Variants in ANKRD29 observed in about 807,000 individuals in gnomAD.
ANKRD29 encodes the protein ankyrin repeat domain 29.
In ANKRD29, 32 loss-of-function variants were observed where a neutral mutation model predicts 38.0. The ratio of observed to expected loss-of-function variants is 0.84; its 90% CI spans 0.64 to 1.13. The LOEUF is 1.13. ANKRD29 is among the 50% of genes most tolerant of loss of function. The pLI, the probability that ANKRD29 is intolerant of heterozygous loss-of-function variation, is 0.00. For missense variants in ANKRD29, 357 were observed against 377.9 expected (o/e 0.94, Z 0.46); for synonymous variants, 135 against 152.4 (o/e 0.89, Z 0.84).
intron 3 of ANKRD29, among the ~76,000 whole-genome samples, chr18:23,641,692 C>T (rs1487276265): frequency 2.6e-5 from 4 of 152,216 alleles, no homozygotes; most frequent in African/African-American, 7.2e-5. Context: ...TTCCCATGGA[C>T]CAATCAGCAC....
chr18:23,639,335 G>T (rs1305194960), intron 3 of ANKRD29, among the ~76,000 whole-genome samples: 1 of 152,126 alleles, frequency 6.6e-6, no homozygotes, highest in Non-Finnish European at 1.5e-5. Context: ...CAGCTAAAAT[G>T]TGGAAGCACT....
At chr18:23,641,320 C>A (rs1008963805) in intron 3 of ANKRD29, among the ~76,000 whole-genome samples, 4 of 152,222 alleles carry the variant, frequency 2.6e-5, no homozygotes, top group Non-Finnish European at 5.9e-5. Context: ...GCTCTCTGGG[C>A]CTGGGAAGCC....
intron 2 of ANKRD29, chr18:23,647,907 T>C (rs2060160486): frequency 6.6e-6 from 1 of 152,198 alleles, no homozygotes; most frequent in African/African-American, 2.4e-5. Context: ...GAAAGTGTAA[T>C]AAAGAGACTA....
intron 3 of ANKRD29, among the ~76,000 whole-genome samples, chr18:23,641,255 T>C (rs1344229688): frequency 1.3e-5 from 2 of 152,196 alleles, no homozygotes; most frequent in Non-Finnish European, 2.9e-5. Context: ...CCTATTGAGT[T>C]GGCTGTGCGG....
intron 1 of ANKRD29, among the ~76,000 whole-genome samples, chr18:23,659,221 A>G (rs1370763067): frequency 6.6e-6 from 1 of 152,074 alleles, no homozygotes; most frequent in East Asian, 1.9e-4. Context: ...ACTTCAGGTG[A>G]TCCGCCACAG....
chr18:23,617,888 A>G, intron 7 of ANKRD29, 61 bp from the exon 8 acceptor site: 4 of 1,422,798 alleles, frequency 2.8e-6, no homozygotes, highest in Non-Finnish European at 3.9e-6. Flanking sequence ...GCTTGAAAGC[A>G]GTCAGTTGGG....
intron 4 of ANKRD29, among the ~76,000 whole-genome samples, chr18:23,636,136 TTGTATGTA>T (rs373976176): frequency 1.3e-5 from 2 of 152,088 alleles, no homozygotes; most frequent in African/African-American, 4.8e-5. Flanking sequence ...GCTGTTATTT[TTGTATGTA>T]TGTATGTATG....
chr18:23,618,343 C>T (rs1351810682), intron 7 of ANKRD29, among the ~76,000 whole-genome samples: 1 of 152,150 alleles, frequency 6.6e-6, no homozygotes, highest in Non-Finnish European at 1.5e-5. Flanking sequence ...GCTAAAAGGC[C>T]AGGTGCAGTG....
intron 1 of ANKRD29, among the ~76,000 whole-genome samples, chr18:23,658,216 G>T (rs1018037205): frequency 6.6e-6 from 1 of 152,002 alleles, no homozygotes; most frequent in Non-Finnish European, 1.5e-5. Flanking sequence ...GATCAGCCTG[G>T]GCAACACAGG....
chr18:23,619,905 G>A, intron 6 of ANKRD29: 1 of 427,638 alleles, frequency 2.3e-6, no homozygotes, highest in South Asian at 3.7e-5. Context: ...CCATTTTGTG[G>A]CTGGATCTTT....
In ANKRD29 at chr18:23,600,618, A is replaced by G. The variant is rs2059499599; in HGVS notation, c.*608T>C. 6.5e-6 allele frequency: 1 copy of G among 152,672 alleles called. No individual in the cohort carries two copies. Among genetic ancestry groups the G allele is most frequent in the African/African-American group, 2.4e-5 (1 of 41,464 alleles). The allele number at this position is 152,672 out of a possible 1,614,324, so 9.5% of individuals were successfully genotyped here. On this transcript the variant is annotated 3_prime_UTR_variant, in exon 10 of 10. Coordinates refer to ENST00000592179, the MANE Select transcript of ANKRD29 (RefSeq NM_173505.4). ...CAGTCTGTCTTTTCTATAGTTCAAT[A>G]GTCCATCTTTGAATAGCACATAATG...
At chr18:23,637,817 G>A (rs949035977) in intron 4 of ANKRD29, among the ~76,000 whole-genome samples, 1 of 152,104 alleles carries the variant, frequency 6.6e-6, no homozygotes, top group East Asian at 1.9e-4. Context: ...CACATTTTCA[G>A]GAATTTAAAA....
At chr18:23,605,830 T>C (rs2059568892) in intron 9 of ANKRD29, among the ~76,000 whole-genome samples, 1 of 152,084 alleles carries the variant, frequency 6.6e-6, no homozygotes, top group Non-Finnish European at 1.5e-5. Context: ...CCCAGCCAAT[T>C]ACACAAAATT....
Position 23,598,934 on chromosome 18 carries a change from T to G in ANKRD29, c.*2292A>C, listed in dbSNP as rs1295194291. The G allele has an allele frequency of 6.6e-6, 1 of 152,168 alleles. No homozygotes were observed. 9.4% of individuals were successfully genotyped at this position (152,168 alleles called of 1,614,324 possible). On this transcript the variant is annotated 3_prime_UTR_variant, in exon 10 of 10. Transcript: ENST00000592179. ...AAAGCAGCAAAGGCAAATGGGGTAG[T>G]ATATTAACTTTATTTTGAATTATTA...
chr18:23,644,700 A>G (rs1294620776), intron 3 of ANKRD29, among the ~76,000 whole-genome samples: 2 of 152,330 alleles, frequency 1.3e-5, no homozygotes, highest in Non-Finnish European at 2.9e-5. Context: ...TGGGAAGGAC[A>G]TCTGGATGTG....
intron 8 of ANKRD29, among the ~76,000 whole-genome samples, chr18:23,612,727 G>A (rs1399994379): frequency 6.6e-6 from 1 of 152,172 alleles, no homozygotes; most frequent in African/African-American, 2.4e-5. Context: ...GCAATGCCCC[G>A]GAGCTTTGAG....
intron 1 of ANKRD29, among the ~76,000 whole-genome samples, chr18:23,657,671 G>T (rs905969358): frequency 1.3e-5 from 2 of 152,108 alleles, no homozygotes; most frequent in African/African-American, 2.4e-5. Flanking sequence ...GCATATAAAT[G>T]GAATCATACA....
intron 9 of ANKRD29, among the ~76,000 whole-genome samples, chr18:23,603,422 CA>C (rs1167957154): frequency 9.8e-5 from 15 of 152,302 alleles, no homozygotes; most frequent in Admixed American, 3.9e-4. Flanking sequence ...CACCTGAGGT[CA>C]CAAGTTTAAG....
At chr18:23,638,120 C>T (rs2060026519) in intron 4 of ANKRD29, among the ~76,000 whole-genome samples, 1 of 150,918 alleles carries the variant, frequency 6.6e-6, no homozygotes, top group East Asian at 2.0e-4. Flanking sequence ...ACCTCAGCCT[C>T]CTGAGTAGCT....
Sources: gnomAD v4.1 joint callset for allele counts (sites outside exome capture counted in the v4.1 genomes callset) on GRCh38, gnomAD v4.1.1 for gene constraint, MANE v1.5 for transcripts, NCBI Gene and HGNC (gene_info 2026-07-23, HGNC 2026-07-21) for gene names.